The following VWA3B variants were observed in gnomAD, a reference collection of about 807,000 sequenced individuals.
VWA3B encodes von Willebrand factor A domain containing 3B, also known as von Willebrand factor A domain-containing protein 3B.
Under a neutral mutation model 158.3 loss-of-function variants are expected in VWA3B, and 138 were observed. That is an observed-to-expected ratio of 0.87 (90% CI 0.76 to 1.00). The LOEUF is 1.00. Ranked by LOEUF, VWA3B falls within the 50% of genes least tolerant of loss-of-function variation. VWA3B has a pLI of 0.00. For missense variants in VWA3B, 1,555 were observed against 1,565.1 expected (o/e 0.99, Z 0.11); for synonymous variants, 596 against 587.3 (o/e 1.01, Z -0.21).
intron 1 of VWA3B, among the ~76,000 whole-genome samples, chr2:98,088,156 T>G (rs1204010897): frequency 2.6e-5 from 4 of 152,214 alleles, no homozygotes; most frequent in Admixed American, 2.0e-4. Context: ...GTTTCCTTTC[T>G]TCCTGGAAAA....
intron 2 of VWA3B, among the ~76,000 whole-genome samples, chr2:98,102,744 T>A (rs1297111698): frequency 6.6e-6 from 1 of 152,238 alleles, no homozygotes; most frequent in Non-Finnish European, 1.5e-5. Context: ...CTCAAAATGA[T>A]TTGGAAGTGT....
intron 1 of VWA3B, among the ~76,000 whole-genome samples, chr2:98,092,529 G>C (rs1403300395): frequency 6.6e-6 from 1 of 151,956 alleles, no homozygotes; most frequent in East Asian, 1.9e-4. Context: ...TGTAATCCCA[G>C]CTACTCAGGA....
intron 7 of VWA3B, among the ~76,000 whole-genome samples, chr2:98,136,548 AT>A (rs1676298076): frequency 6.6e-6 from 1 of 151,408 alleles, no homozygotes. Flanking sequence ...TTGCTGCTGT[AT>A]CTTTGGGAGG....
At chr2:98,299,105 GTTCCC>G (rs1690021432) in intron 24 of VWA3B, among the ~76,000 whole-genome samples, 2 of 152,176 alleles carry the variant, frequency 1.3e-5, no homozygotes, top group Non-Finnish European at 2.9e-5. Context: ...TTGGCCTTAG[GTTCCC>G]TGCCTCAGAC....
intron 20 of VWA3B, among the ~76,000 whole-genome samples, chr2:98,253,679 G>T (rs947320362): frequency 3.3e-5 from 5 of 152,246 alleles, no homozygotes; most frequent in African/African-American, 1.2e-4. Context: ...GCCTTCTGAA[G>T]TGTCACTAGT....
At chr2:98,248,179 C>T (rs888303459) in intron 19 of VWA3B, among the ~76,000 whole-genome samples, 8 of 151,948 alleles carry the variant, frequency 5.3e-5, no homozygotes, top group African/African-American at 1.7e-4. Context: ...GCTGTAACAT[C>T]TTTGAACAAC....
intron 22 of VWA3B, among the ~76,000 whole-genome samples, chr2:98,279,905 C>T (rs757065342): frequency 7.2e-5 from 11 of 151,942 alleles, no homozygotes; most frequent in Middle Eastern, 6.8e-3. Flanking sequence ...TGAGTGGGGG[C>T]GGAATAGCCA....
chr2:98,126,040 GA>G lies in VWA3B; in HGVS notation c.703-2198del, dbSNP rs1354794407. 2.0e-5 allele frequency among the ~76,000 whole-genome samples: 3 copies of G among 152,292 alleles called. No individual in the cohort carries two copies. In the East Asian group the frequency reaches 5.8e-4, roughly 29 times the overall value. On this transcript the variant is annotated intron_variant, in intron 5 of 27. Coordinates refer to ENST00000477737, the MANE Select transcript of VWA3B (RefSeq NM_144992.5). ...AGACCGTGTACAGGAGAGTGGGGGG[GA>G]TAGGTGGTCTCAATGTAAAGCATGT... is the stretch of plus-strand genomic sequence containing the variant.
At chr2:98,100,037 T>C (rs540740602) in intron 2 of VWA3B, among the ~76,000 whole-genome samples, 1 of 152,330 alleles carries the variant, frequency 6.6e-6, no homozygotes, top group South Asian at 2.1e-4. Context: ...TTTGAAAATG[T>C]TGTCAGGCCG....
chr2:98,242,240 G>A (rs1223450967), intron 19 of VWA3B: 1 of 456,088 alleles, frequency 2.2e-6, no homozygotes, highest in Non-Finnish European at 4.4e-6. Flanking sequence ...GGAACACAAT[G>A]CTGTTTTGGT....
At chr2:98,208,826 T>C (rs1036266140) in intron 12 of VWA3B, among the ~76,000 whole-genome samples, 4 of 152,242 alleles carry the variant, frequency 2.6e-5, no homozygotes, top group Admixed American at 6.5e-5. Context: ...CTTTTATATT[T>C]ACTCATTCCA....
intron 22 of VWA3B, among the ~76,000 whole-genome samples, chr2:98,278,600 A>G (rs893170420): frequency 1.3e-5 from 2 of 151,952 alleles, no homozygotes; most frequent in Admixed American, 1.3e-4. Flanking sequence ...GGGTTCAGCC[A>G]TCACTGGCCA....
Position 98,169,168 on chromosome 2 carries a change from C to T in VWA3B, c.1114+6192C>T, listed in dbSNP as rs531411918. Among the ~76,000 whole-genome samples, 5 of 152,274 alleles carry T rather than the reference C, an allele frequency of 3.3e-5. No individual in the cohort carries two copies. In the South Asian group the frequency reaches 8.3e-4, roughly 25 times the overall value. ...CAGATTTCTCACTCAAATGAAAAGACGGTGGGGCAGCATTTTTTCTTTCAG... is the reference window on the plus strand; with the variant it reads ...CAGATTTCTCACTCAAATGAAAAGATGGTGGGGCAGCATTTTTTCTTTCAG... On this transcript the variant is annotated intron_variant, in intron 8 of 27. Coordinates refer to ENST00000477737, the MANE Select transcript of VWA3B (RefSeq NM_144992.5).
At chr2:98,148,733 T>C (rs1473754510) in intron 7 of VWA3B, among the ~76,000 whole-genome samples, 1 of 152,218 alleles carries the variant, frequency 6.6e-6, no homozygotes, top group Non-Finnish European at 1.5e-5. Context: ...TCATGCACCC[T>C]TTCTCCACTG....
At chr2:98,129,967 A>G (rs1311902588) in intron 6 of VWA3B, among the ~76,000 whole-genome samples, 4 of 152,192 alleles carry the variant, frequency 2.6e-5, no homozygotes, top group Non-Finnish European at 4.4e-5. Flanking sequence ...AAGAGACACA[A>G]AGTATAGAGA....
chr2:98,103,407 T>C (rs1396628430), intron 2 of VWA3B, among the ~76,000 whole-genome samples: 1 of 152,190 alleles, frequency 6.6e-6, no homozygotes, highest in African/African-American at 2.4e-5. Context: ...TCTTCTTTTC[T>C]AATATAATCA....
At chr2:98,197,969 C>A (rs1027797776) in intron 12 of VWA3B, among the ~76,000 whole-genome samples, 6 of 151,546 alleles carry the variant, frequency 4.0e-5, no homozygotes, top group Admixed American at 3.9e-4. Context: ...TCTCAGTGGA[C>A]AGAGATAGAA....
At chr2:98,316,841 TGGCCTTGTAAGTACTGGCTC>T (rs1049122828), downstream of VWA3B, among the ~76,000 whole-genome samples, 1 of 152,108 alleles carries the variant, frequency 6.6e-6, no homozygotes, top group African/African-American at 2.4e-5. Context: ...CCTTCTGCTC[TGGCCTTGTAAGTACTGGCTC>T]CTTCTTCACC....
At chr2:98,123,749 C>T (rs1223538501) in intron 5 of VWA3B, among the ~76,000 whole-genome samples, 1 of 152,134 alleles carries the variant, frequency 6.6e-6, no homozygotes, top group Non-Finnish European at 1.5e-5. Flanking sequence ...AGTTTCTGCT[C>T]TTCAGTAGCC....
Sources: gnomAD v4.1 joint callset for allele counts (sites outside exome capture counted in the v4.1 genomes callset) on GRCh38, gnomAD v4.1.1 for gene constraint, MANE v1.5 for transcripts, NCBI Gene and HGNC (gene_info 2026-07-23, HGNC 2026-07-21) for gene names.